EML3: variants seen among roughly 807,000 people sequenced by gnomAD.
The protein encoded by EML3 is EMAP like 3, also known as echinoderm microtubule-associated protein-like 3.
EML3 carries 53 observed loss-of-function variants against 106.7 expected under a neutral mutation model. The ratio of observed to expected loss-of-function variants is 0.50; its 90% confidence interval spans 0.40 to 0.62. EML3 has a LOEUF of 0.62. EML3 is among the 20% of genes least tolerant of loss of function. EML3 has a pLI of 0.00. For synonymous variants in EML3, 499 were observed against 489.6 expected, an observed-to-expected ratio of 1.02 and a Z score of -0.25; for missense variants, 994 against 1,209.1, an observed-to-expected ratio of 0.82 and a Z score of 2.64.
At position 62,612,675 on chromosome 11, in the gene EML3, T is replaced by C; in HGVS notation, c.-218A>G. ...CAGACCCCCCCGGGCCCTCGGACTC[T>C]CCCGGGGCCGCTCTCGGCTCCCGGG... On this transcript the variant is annotated 5_prime_UTR_variant, in exon 1 of 22. Transcript: ENST00000394773. The C allele has an allele frequency of 2.8e-6, 1 of 352,794 alleles. No individual in the cohort carries two copies. The highest frequency in any genetic ancestry group is 4.6e-5 in the East Asian group (1 of 21,794). 21.9% of individuals were successfully genotyped at this position (352,794 alleles called of 1,614,324 possible).
intron 6 of EML3, 50 bp downstream of exon 6, chr11:62,609,304 G>T (rs1397818536): frequency 6.5e-7 from 1 of 1,538,302 alleles, no homozygotes. Context: ...GGTAAGAGGG[G>T]TCCCAAGGTG....
At position 62,606,129 on chromosome 11, in the gene EML3, A is replaced by G. The variant is rs780477268; in HGVS notation, c.1590T>C (p.Ser530=). The change falls in exon 13 of 22, where the codon AGT becomes AGC. Residue 530 remains serine, a synonymous_variant. Transcript: ENST00000394773. The part of the protein sequence containing the change: ...LCLRRDGTVL[S]GGGRDRRLVQ... ...CCAGCCGGCGGTCCCGCCCGCCACC[A>G]CTCAGCACTGTCCCGTCCCTCCGGA... The G allele has an allele frequency of 2.3e-5, 37 of 1,613,828 alleles. No individual in the cohort carries two copies. The highest frequency in any genetic ancestry group is 3.1e-5 in the Non-Finnish European group (37 of 1,180,006).
At chr11:62,606,925 T>A in intron 12 of EML3, 33 bp downstream of exon 12, 1 of 1,585,650 alleles carries the variant, frequency 6.3e-7, no homozygotes, top group African/African-American at 1.4e-5. Context: ...TCTGGAGTAC[T>A]ACACTTCCCA....
Position 62,605,323 on chromosome 11 carries a change from G to A in EML3, c.1915-143C>T. 1.2e-6 allele frequency: 1 copy of A among 818,726 alleles called. No individual in the cohort carries two copies. The highest frequency in any genetic ancestry group is 2.8e-5 in the East Asian group (1 of 35,218). 50.7% of individuals were successfully genotyped at this position (818,726 alleles called of 1,614,324 possible). ...GGGAAGGGATACCCGGGTATCACTG[G>A]AGCCTGAACAGGGAGTGATACCAAA... On this transcript the variant is annotated intron_variant, in intron 15 of 21. Transcript: ENST00000394773. This position sits in a 1 kb window ranked among gnomAD's most constrained non-coding sequence, Gnocchi z 5.2.
chr11:62,610,355 C>CAACTACA (rs1303978352), intron 4 of EML3, among the ~76,000 whole-genome samples: 2 of 152,120 alleles, frequency 1.3e-5, no homozygotes, highest in African/African-American at 4.8e-5. Flanking sequence ...TACTCTGAGG[C>CAACTACA]AACTACATCC....
intron 11 of EML3, chr11:62,607,403 G>A (rs117593346): frequency 0.017 from 8,116 of 465,582 alleles, 106 homozygotes; most frequent in Non-Finnish European, 0.026. Flanking sequence ...AAATCAGCCG[G>A]CGCGCATCTG....
chr11:62,607,694 G>A lies in EML3; in HGVS notation c.1334C>T (p.Thr445Ile). The A allele has an allele frequency of 1.2e-6, 2 of 1,613,898 alleles. No homozygotes were observed. The highest frequency in any genetic ancestry group is 1.7e-6 in the Non-Finnish European group (2 of 1,179,976). ...AAAGACACCCTGTTTCCGGGTAAGG[G>A]TCCCATTCCCAGGAACCCCTACTCC... The part of the protein sequence containing the change: ...SGGVGVPGNG[T>I]LTRKQGVFGK... The change falls in exon 11 of 22, where the codon ACC (threonine) becomes ATC (isoleucine). Residue 445 changes from threonine to isoleucine, a missense_variant. Transcript: ENST00000394773.
chr11:62,602,507 AG>A lies in EML3; in HGVS notation c.2658del (p.Ser887ProfsTer38). 1 of 1,516,154 alleles carries A rather than the reference AG, an allele frequency of 6.6e-7. No homozygotes were observed. The highest frequency in any genetic ancestry group is 2.2e-5 in the Admixed American group (1 of 46,392). The allele number at this position is 1,516,154 out of a possible 1,614,324, so 93.9% of individuals were successfully genotyped here. ...GPAPATPSRT[P>X]SLSPASSLDV ...TCGAGGGAGGAGGCGGGGGACAGGG[AG>A]GGGGTTCGAGAGGGCGTGGCGGGCG... On this transcript the variant is annotated frameshift_variant, in exon 22 of 22. Transcript: ENST00000394773. LOFTEE classifies it high-confidence loss of function.
rs1942887154 is a variant in EML3, at chr11:62,612,533, G to A, written c.-76C>T. 2.3e-6 allele frequency: 3 copies of A among 1,310,666 alleles called. No homozygotes were observed. Among genetic ancestry groups the A allele is most frequent in the Non-Finnish European group, 2.9e-6 (3 of 1,028,544 alleles). The allele number at this position is 1,310,666 out of a possible 1,614,324, so 81.2% of individuals were successfully genotyped here. On this transcript the variant is annotated 5_prime_UTR_variant, in exon 1 of 22. Transcript: ENST00000394773. ...GCGGGGGCCACGGCCGGGGAGAGGGGAAGGGGAAGCACCCCGGGGCGCGCG... is the reference window on the plus strand; with the variant it reads ...GCGGGGGCCACGGCCGGGGAGAGGGAAAGGGGAAGCACCCCGGGGCGCGCG...
chr11:62,612,501 C>G lies in EML3; in HGVS notation c.-44G>C, dbSNP rs566176439. 66 of 1,374,700 alleles carry G rather than the reference C, an allele frequency of 4.8e-5. 1 individual carries two copies. The South Asian group carries it at 1.1e-3, about 22-fold the overall frequency. 85.2% of individuals were successfully genotyped at this position (1,374,700 alleles called of 1,614,324 possible). Reference sequence around the variant, plus strand: ...CGAGCGGCGGCGGCGGAGGAGGCGTCTAAGCCGCGGGGGCCACGGCCGGGG... The same window carrying G: ...CGAGCGGCGGCGGCGGAGGAGGCGTGTAAGCCGCGGGGGCCACGGCCGGGG... On this transcript the variant is annotated 5_prime_UTR_variant, in exon 1 of 22. Coordinates refer to ENST00000394773, the MANE Select transcript of EML3 (RefSeq NM_153265.3).
rs1264526232 is a variant in EML3, at chr11:62,602,258, G to A, written c.*217C>T. ...GTTTATTGCCCCTCAGCAGGCAGCG[G>A]GAGTCAAGGCCTAGGCTGGGGCTGC... is the stretch of plus-strand genomic sequence containing the variant. On this transcript the variant is annotated 3_prime_UTR_variant, in exon 22 of 22. Transcript: ENST00000394773. 6.5e-6 allele frequency: 10 copies of A among 1,546,552 alleles called. No individual in the cohort carries two copies. The Admixed American group carries it at 1.8e-4, about 28-fold the overall frequency.
Position 62,603,237 on chromosome 11 carries a change from A to C in EML3, c.2268T>G (p.Ala756=). The stretch of plus-strand genomic sequence containing the variant: ...GATTCTTCAGCTGCTTGCAGCCTCC[A>C]GCCACGTCCCCTGGGGAGAGGGAGC... ...GDYEILYWDV[A]GGCKQLKNRY... The change falls in exon 20 of 22, where the codon GCT becomes GCG. Residue 756 remains alanine, a synonymous_variant. Coordinates refer to ENST00000394773, the MANE Select transcript of EML3 (RefSeq NM_153265.3). 6.2e-7 allele frequency: 1 copy of C among 1,613,642 alleles called. No individual in the cohort carries two copies. The highest frequency in any genetic ancestry group is 8.5e-7 in the Non-Finnish European group (1 of 1,180,000).
chr11:62,608,173 G>T, intron 10 of EML3, 28 bp downstream of exon 10: 1 of 1,604,392 alleles, frequency 6.2e-7, no homozygotes, highest in Non-Finnish European at 8.5e-7. Flanking sequence ...CAACCTCAGA[G>T]CCCCTCCAAG....
At chr11:62,604,280 G>A (rs1280995569) in intron 16 of EML3, 79 bp from the exon 17 acceptor site, 3 of 1,281,878 alleles carry the variant, frequency 2.3e-6, no homozygotes, top group African/African-American at 2.9e-5. Flanking sequence ...GCCACCCTGG[G>A]TAGGCTTGGG....
Position 62,610,862 on chromosome 11 carries a change from G to T in EML3, c.566+17C>A. 1 of 1,594,524 alleles carries T rather than the reference G, an allele frequency of 6.3e-7. No individual in the cohort carries two copies. ...CTGCGCCTGGGGCGGGGTGGGTTGA[G>T]GGGAAGCCTCACCCACCTCTCTGTG... On this transcript the variant is annotated intron_variant, in intron 4 of 21. Transcript: ENST00000394773.
Position 62,610,893 on chromosome 11 carries a change from G to C in EML3, c.552C>G (p.Ser184=), listed in dbSNP as rs773120854. ...GCCTCACCCACCTCTCTGTGCTCCC[G>C]GACCGCACTAACAGGTTGGCGGAGG... ...AISSANLLVR[S]GSTESRGGKD... is the part of the protein sequence containing the mutation. Residue 184 remains serine, a synonymous_variant, in exon 4 of 22, where the codon TCC becomes TCG. Transcript: ENST00000394773. 5.6e-6 allele frequency: 9 copies of C among 1,610,622 alleles called. No individual in the cohort carries two copies. The South Asian group carries it at 6.6e-5, about 12-fold the overall frequency.
intron 20 of EML3, 80 bp from the exon 21 acceptor site, chr11:62,602,969 G>C (rs562907285): frequency 1.0e-4 from 154 of 1,469,798 alleles, no homozygotes; most frequent in South Asian, 9.6e-5. Context: ...CAGGCGCTCC[G>C]GCAGCCGCGG....
rs777119904 is a variant in EML3 at position 62,606,123 on chromosome 11, G to T, written c.1596C>A (p.Gly532=). The T allele has an allele frequency of 6.2e-7, 1 of 1,614,064 alleles. No individual in the cohort carries two copies. The highest frequency in any genetic ancestry group is 8.5e-7 in the Non-Finnish European group (1 of 1,180,026). The stretch of plus-strand genomic sequence containing the variant: ...ACTGTACCAGCCGGCGGTCCCGCCC[G>T]CCACCACTCAGCACTGTCCCGTCCC... ...LRRDGTVLSG[G]GRDRRLVQWG... The change falls in exon 13 of 22, where the codon GGC becomes GGA. Residue 532 remains glycine (G), a synonymous_variant. Transcript: ENST00000394773.
intron 7 of EML3, 58 bp downstream of exon 7, chr11:62,608,904 G>C (rs1942669510): frequency 6.3e-7 from 1 of 1,597,838 alleles, no homozygotes; most frequent in Non-Finnish European, 8.5e-7. Context: ...CTTTTCTCCT[G>C]CTTCTCCATC....
Sources: allele counts gnomAD v4.1 joint callset (sites outside exome capture counted in the v4.1 genomes callset), GRCh38; gene constraint gnomAD v4.1.1; non-coding constraint Gnocchi (gnomAD v3.1); transcripts MANE v1.5; gene names NCBI Gene and HGNC (gene_info 2026-07-23, HGNC 2026-07-21).